TENM3: variants seen among roughly 807,000 people sequenced by gnomAD.
The protein encoded by TENM3 is teneurin-3.
In TENM3, 63 loss-of-function variants were observed where a neutral mutation model predicts 255.1. The observed-to-expected ratio is 0.25, with a 90% CI of 0.20 to 0.30. The LOEUF (loss-of-function observed/expected upper bound fraction) is 0.30. TENM3 is among the 10% of genes least tolerant of loss of function. TENM3 has a pLI of 1.00. For missense variants in TENM3, 2,929 were observed against 3,461.1 expected, an observed-to-expected ratio of 0.85 and a Z score of 3.86; for synonymous variants, 1,306 against 1,322.3, an observed-to-expected ratio of 0.99 and a Z score of 0.27.
At chr4:182,391,558 AAC>A (rs1241681460) in intron 3 of TENM3, among the ~76,000 whole-genome samples, 61 of 152,376 alleles carry the variant, frequency 4.0e-4, no homozygotes, top group Non-Finnish European at 2.1e-4. Flanking sequence ...TGCCTGGACT[AAC>A]ACACAATGAA....
At chr4:181,464,639 T>G in the TENM3 span, among the ~76,000 whole-genome samples, 1 of 149,978 alleles carries the variant, frequency 6.7e-6, no homozygotes, top group African/African-American at 2.5e-5. Flanking sequence ...AGAAGCATAT[T>G]TTTTTTTCAA....
At chr4:181,794,187 AAT>A in the TENM3 span, among the ~76,000 whole-genome samples, 2 of 151,292 alleles carry the variant, frequency 1.3e-5, no homozygotes, top group African/African-American at 2.4e-5. Flanking sequence ...TATGGTGTAC[AAT>A]ATATATATAT....
chr4:182,164,012 G>C (rs1370976567), intron 1 of TENM3, among the ~76,000 whole-genome samples: 1 of 152,160 alleles, frequency 6.6e-6, no homozygotes. Context: ...TCTAGCTCCA[G>C]ATATGAGTAT....
chr4:182,017,339 ATCT>A, the TENM3 span, among the ~76,000 whole-genome samples: 1 of 152,166 alleles, frequency 6.6e-6, no homozygotes, highest in African/African-American at 2.4e-5. Flanking sequence ...GTTTTTTTTC[ATCT>A]TCTACTCTAC....
the TENM3 span, among the ~76,000 whole-genome samples, chr4:181,591,594 G>A: frequency 6.6e-6 from 1 of 152,182 alleles, no homozygotes; most frequent in African/African-American, 2.4e-5. Flanking sequence ...CAGGAATTGG[G>A]CCACACAACA....
At chr4:181,552,149 T>C in the TENM3 span, among the ~76,000 whole-genome samples, 18,620 of 151,984 alleles carry the variant, frequency 0.12, 1,246 homozygotes, top group East Asian at 0.16. Context: ...AGCAAATATA[T>C]TTCAGTAAAT....
the TENM3 span, among the ~76,000 whole-genome samples, chr4:181,483,341 C>T: frequency 7.7e-3 from 1,173 of 152,138 alleles, 8 homozygotes; most frequent in South Asian, 0.017. Context: ...GCAATTAGTA[C>T]GTTCACACTA....
At chr4:182,508,415 A>G (rs1737054339) in intron 3 of TENM3, among the ~76,000 whole-genome samples, 1 of 152,228 alleles carries the variant, frequency 6.6e-6, no homozygotes, top group Non-Finnish European at 1.5e-5. Context: ...TAGATTAGGT[A>G]TAACTATCTA....
chr4:182,659,246 C>A (rs905709341), intron 6 of TENM3, among the ~76,000 whole-genome samples: 2 of 152,174 alleles, frequency 1.3e-5, no homozygotes, highest in Admixed American at 6.5e-5. Context: ...CACATCCCCC[C>A]CTCCACAGTT....
At chr4:182,429,910 A>T (rs1015928690) in intron 3 of TENM3, among the ~76,000 whole-genome samples, 2 of 152,228 alleles carry the variant, frequency 1.3e-5, no homozygotes, top group African/African-American at 2.4e-5. Flanking sequence ...ATCCAATGAC[A>T]TGCGTATATT....
At chr4:182,129,057 C>T in the TENM3 span, among the ~76,000 whole-genome samples, 1 of 152,152 alleles carries the variant, frequency 6.6e-6, no homozygotes, top group Non-Finnish European at 1.5e-5. Context: ...TCTGTGGCAA[C>T]AAAGCATGGG....
the TENM3 span, among the ~76,000 whole-genome samples, chr4:181,506,973 G>A: frequency 6.6e-6 from 1 of 152,172 alleles, no homozygotes; most frequent in African/African-American, 2.4e-5. Flanking sequence ...CAAAGTCTCA[G>A]CATGGAGCTG....
the TENM3 span, among the ~76,000 whole-genome samples, chr4:181,500,337 A>AG: frequency 6.6e-6 from 1 of 151,494 alleles, no homozygotes; most frequent in East Asian, 1.9e-4. Flanking sequence ...CCTTATGGAA[A>AG]AAAAAAAAAA....
At position 182,614,714 on chromosome 4, in the gene TENM3, C is replaced by T. The variant is rs117159131; in HGVS notation, c.749+13553C>T. Among the ~76,000 whole-genome samples the T allele has an allele frequency of 5.5e-4, 83 of 152,234 alleles. No homozygotes were observed. The East Asian group carries it at 0.014, about 26-fold the overall frequency. On this transcript the variant is annotated intron_variant, in intron 4 of 27. Coordinates refer to ENST00000511685, the MANE Select transcript of TENM3 (RefSeq NM_001080477.4). ...ACCACTTAATTACTCTTTAAGTTCT[C>T]CTGCACACACTCTCGAAAGCATGTT...
At chr4:181,683,958 T>G in the TENM3 span, among the ~76,000 whole-genome samples, 1 of 152,184 alleles carries the variant, frequency 6.6e-6, no homozygotes, top group African/African-American at 2.4e-5. Flanking sequence ...GAGAATCCAA[T>G]GGGTTAAACC....
chr4:181,893,142 T>C, the TENM3 span, among the ~76,000 whole-genome samples: 13 of 151,426 alleles, frequency 8.6e-5, no homozygotes, highest in African/African-American at 3.1e-4. Context: ...GGTTTATATG[T>C]ATTCTCATTT....
At chr4:182,040,989 G>A in the TENM3 span, among the ~76,000 whole-genome samples, 3 of 152,190 alleles carry the variant, frequency 2.0e-5, no homozygotes, top group African/African-American at 7.2e-5. Flanking sequence ...TGCTGTGACT[G>A]TGGTTTAAAA....
the TENM3 span, among the ~76,000 whole-genome samples, chr4:181,683,682 G>A: frequency 6.6e-6 from 1 of 152,146 alleles, no homozygotes; most frequent in Admixed American, 6.5e-5. Context: ...CAAGGCGATG[G>A]TCTAGGAGAG....
At chr4:182,024,886 T>C in the TENM3 span, among the ~76,000 whole-genome samples, 2 of 152,078 alleles carry the variant, frequency 1.3e-5, no homozygotes, top group Admixed American at 1.3e-4. Flanking sequence ...TCTCCATAAG[T>C]TCAATCTTTT....
Sources: allele counts gnomAD v4.1 joint callset (sites outside exome capture counted in the v4.1 genomes callset), GRCh38; gene constraint gnomAD v4.1.1; transcripts MANE v1.5; gene names NCBI Gene and HGNC (gene_info 2026-07-23, HGNC 2026-07-21).